Variants in CACNA2D3 observed in about 807,000 individuals in gnomAD.
CACNA2D3 encodes voltage-dependent calcium channel subunit alpha-2/delta-3.
In CACNA2D3, 60 loss-of-function variants were observed where a neutral mutation model predicts 160.6. The ratio of observed to expected loss-of-function variants is 0.37; its 90% CI spans 0.30 to 0.46. The LOEUF is 0.46. Among genes scored for constraint, CACNA2D3 ranks in the 20% least tolerant of loss-of-function variants. The pLI, the probability that CACNA2D3 is intolerant of heterozygous loss-of-function variation, is 1.00. For synonymous variants in CACNA2D3, 558 were observed against 492.9 expected, an observed-to-expected ratio of 1.13 and a Z score of -1.75; for missense variants, 1,205 against 1,365.0, an observed-to-expected ratio of 0.88 and a Z score of 1.85.
At chr3:54,541,936 G>GT (rs1421185776) in intron 5 of CACNA2D3, among the ~76,000 whole-genome samples, 1 of 148,872 alleles carries the variant, frequency 6.7e-6, no homozygotes, top group African/African-American at 2.4e-5. Flanking sequence ...GGGTGTGTGT[G>GT]GGTTTTTTTT....
At chr3:54,277,954 AC>A (rs550457546) in intron 2 of CACNA2D3, among the ~76,000 whole-genome samples, 208 of 152,248 alleles carry the variant, frequency 1.4e-3, no homozygotes, top group Non-Finnish European at 2.2e-3. Context: ...TGCTTAAAAC[AC>A]CAAAAGCAAT....
At chr3:54,274,762 G>A (rs534293036) in intron 2 of CACNA2D3, among the ~76,000 whole-genome samples, 32 of 152,300 alleles carry the variant, frequency 2.1e-4, no homozygotes, top group African/African-American at 7.2e-4. Flanking sequence ...CCAGGCTCAC[G>A]CATGGTCTGA....
intron 10 of CACNA2D3, chr3:54,632,381 T>A (rs745995695): frequency 1.3e-5 from 2 of 152,236 alleles, no homozygotes; most frequent in African/African-American, 2.4e-5. Context: ...TCTGTTTTTT[T>A]CCCCTTGAAG....
At chr3:54,660,932 A>G (rs1436274188) in intron 11 of CACNA2D3, among the ~76,000 whole-genome samples, 1 of 152,204 alleles carries the variant, frequency 6.6e-6, no homozygotes, top group Non-Finnish European at 1.5e-5. Context: ...AAAAGAAAAC[A>G]GCTGAGGTTG....
intron 35 of CACNA2D3, among the ~76,000 whole-genome samples, chr3:55,051,168 A>G (rs1704197840): frequency 6.6e-6 from 1 of 152,080 alleles, no homozygotes; most frequent in East Asian, 1.9e-4. Context: ...CCTTTGGAGG[A>G]GGAGAGGTGC....
chr3:54,713,377 A>G (rs1700989994), intron 11 of CACNA2D3, among the ~76,000 whole-genome samples: 1 of 152,220 alleles, frequency 6.6e-6, no homozygotes. Flanking sequence ...AGTAACAAGA[A>G]TGAAATAAAC....
intron 35 of CACNA2D3, among the ~76,000 whole-genome samples, chr3:55,066,891 C>T (rs990212): frequency 6.6e-6 from 1 of 152,072 alleles, no homozygotes; most frequent in African/African-American, 2.4e-5. Flanking sequence ...GCCCCTCTGA[C>T]TATGATGTCA....
intron 14 of CACNA2D3, among the ~76,000 whole-genome samples, chr3:54,835,463 C>T (rs556825958): frequency 6.6e-6 from 1 of 152,248 alleles, no homozygotes; most frequent in Admixed American, 6.5e-5. Flanking sequence ...AGTGACACCC[C>T]ACAGCTCTAA....
At chr3:54,470,323 G>A (rs1575474577) in intron 4 of CACNA2D3, among the ~76,000 whole-genome samples, 1 of 152,248 alleles carries the variant, frequency 6.6e-6, no homozygotes, top group African/African-American at 2.4e-5. Flanking sequence ...TTCATATCCA[G>A]CCAAACTAAG....
intron 4 of CACNA2D3, among the ~76,000 whole-genome samples, chr3:54,389,224 G>A (rs140950009): frequency 2.6e-5 from 4 of 151,984 alleles, no homozygotes; most frequent in Admixed American, 6.6e-5. Context: ...GAAGCTGGGA[G>A]GTGGATGTTG....
intron 3 of CACNA2D3, among the ~76,000 whole-genome samples, chr3:54,372,513 A>G (rs1166760692): frequency 6.6e-6 from 1 of 152,196 alleles, no homozygotes; most frequent in Admixed American, 6.5e-5. Context: ...TTGTATAGAT[A>G]CCAGGGAATT....
intron 2 of CACNA2D3, among the ~76,000 whole-genome samples, chr3:54,204,796 G>GGAA (rs1559881510): frequency 1.4e-5 from 1 of 74,068 alleles, no homozygotes; most frequent in African/African-American, 4.0e-5. Flanking sequence ...ATGCTGTCTT[G>GGAA]AAAAAAAAAA....
At chr3:54,799,785 C>T (rs1292860026) in intron 13 of CACNA2D3, among the ~76,000 whole-genome samples, 10 of 152,284 alleles carry the variant, frequency 6.6e-5, no homozygotes, top group Middle Eastern at 3.4e-3. Flanking sequence ...GCCAAACAGG[C>T]TGTCTGCCTC....
chr3:54,305,176 T>C (rs886244969), intron 2 of CACNA2D3, among the ~76,000 whole-genome samples: 3 of 152,248 alleles, frequency 2.0e-5, no homozygotes, highest in African/African-American at 7.2e-5. Flanking sequence ...ACAGTTATTA[T>C]ATTTTTATAA....
Position 54,734,512 on chromosome 3 carries a change from A to G in CACNA2D3, c.1168-18087A>G, listed in dbSNP as rs369508523. The stretch of plus-strand genomic sequence containing the variant: ...AAGATGAAAAGGCTTATAAAAATAG[A>G]AAGACTCTAAAGAGTAACTCTAAGG... On this transcript the variant is annotated intron_variant, in intron 11 of 37. Transcript: ENST00000474759. Among the ~76,000 whole-genome samples the G allele has an allele frequency of 5.9e-5, 9 of 152,324 alleles. 1 individual carries two copies. Among genetic ancestry groups the G allele is most frequent in the African/African-American group, 2.2e-4 (9 of 41,572 alleles).
At chr3:54,466,175 A>C (rs574060585) in intron 4 of CACNA2D3, among the ~76,000 whole-genome samples, 1 of 152,342 alleles carries the variant, frequency 6.6e-6, no homozygotes, top group South Asian at 2.1e-4. Flanking sequence ...TTCATCTGCA[A>C]AATACCCCTA....
At chr3:54,828,608 A>G (rs1357761252) in intron 14 of CACNA2D3, among the ~76,000 whole-genome samples, 3 of 152,232 alleles carry the variant, frequency 2.0e-5, no homozygotes, top group Non-Finnish European at 1.5e-5. Flanking sequence ...CTGTTTTTAG[A>G]TTCTCATATA....
intron 4 of CACNA2D3, among the ~76,000 whole-genome samples, chr3:54,466,783 T>G (rs1363394214): frequency 1.3e-5 from 2 of 152,214 alleles, no homozygotes; most frequent in African/African-American, 4.8e-5. Flanking sequence ...TAATTATAAG[T>G]ATAGCTAGAA....
chr3:54,407,621 C>G (rs1050213696), intron 4 of CACNA2D3, among the ~76,000 whole-genome samples: 2 of 152,160 alleles, frequency 1.3e-5, no homozygotes, highest in African/African-American at 4.8e-5. Context: ...CACACACTAT[C>G]ATTTCATTTG....
Sources: allele counts gnomAD v4.1 joint callset (sites outside exome capture counted in the v4.1 genomes callset), GRCh38; gene constraint gnomAD v4.1.1; transcripts MANE v1.5; gene names NCBI Gene and HGNC (gene_info 2026-07-23, HGNC 2026-07-21).